The following NF2 variants were observed in gnomAD, a reference collection of about 807,000 sequenced individuals.
NF2 encodes merlin.
A neutral mutation model predicts 83.7 loss-of-function variants in NF2; 8 were observed. The observed-to-expected ratio is 0.10, with a 90% CI of 0.06 to 0.17. The LOEUF is 0.17. NF2 is among the 10% of genes least tolerant of loss of function. NF2 has a pLI of 1.00. For synonymous variants in NF2, 266 were observed against 269.6 expected, an observed-to-expected ratio of 0.99 and a Z score of 0.13; for missense variants, 533 against 744.4, an observed-to-expected ratio of 0.72 and a Z score of 3.31.
intron 3 of NF2, among the ~76,000 whole-genome samples, chr22:29,641,944 C>A (rs1008492919): frequency 2.0e-5 from 3 of 152,100 alleles, no homozygotes; most frequent in African/African-American, 7.2e-5. Context: ...CTACAGAGAC[C>A]GTTTTTACTC....
chr22:29,690,053 C>CT (rs1371253982), intron 15 of NF2, among the ~76,000 whole-genome samples: 1 of 152,222 alleles, frequency 6.6e-6, no homozygotes, highest in Non-Finnish European at 1.5e-5. Context: ...GGCTTTGTAG[C>CT]TGGAAGCCGT....
At chr22:29,615,963 C>G (rs143922701) in intron 1 of NF2, among the ~76,000 whole-genome samples, 1 of 152,308 alleles carries the variant, frequency 6.6e-6, no homozygotes, top group African/African-American at 2.4e-5. Flanking sequence ...AAAATGTGGT[C>G]TATCCTTACT....
intron 1 of NF2, among the ~76,000 whole-genome samples, chr22:29,616,602 C>T (rs191386305): frequency 3.3e-5 from 5 of 152,172 alleles, no homozygotes; most frequent in South Asian, 2.1e-4. Flanking sequence ...ATTAGCTGGG[C>T]GTGATGGCAC....
chr22:29,649,848 A>G (rs1396749221), intron 4 of NF2, among the ~76,000 whole-genome samples: 1 of 152,136 alleles, frequency 6.6e-6, no homozygotes, highest in Admixed American at 6.5e-5. Flanking sequence ...ATAGTCAATA[A>G]TAATTATACA....
At chr22:29,652,886 A>G (rs1014757796) in intron 4 of NF2, among the ~76,000 whole-genome samples, 7 of 152,202 alleles carry the variant, frequency 4.6e-5, no homozygotes, top group Admixed American at 2.6e-4. Context: ...TCCCAGAAAT[A>G]GAGAGATACC....
intron 1 of NF2, among the ~76,000 whole-genome samples, chr22:29,635,510 A>G (rs978232348): frequency 6.6e-6 from 1 of 151,762 alleles, no homozygotes; most frequent in Non-Finnish European, 1.5e-5. Flanking sequence ...TTAGTATTTT[A>G]CTAGAGACAG....
chr22:29,662,379 C>T (rs976074177), intron 8 of NF2, among the ~76,000 whole-genome samples: 1 of 152,224 alleles, frequency 6.6e-6, no homozygotes. Context: ...CCTCCCACCT[C>T]AGCCTCCCAA....
chr22:29,670,503 T>TTTTGTGTGTGTGTG (rs370999091), intron 10 of NF2, among the ~76,000 whole-genome samples: 4 of 146,342 alleles, frequency 2.7e-5, no homozygotes, highest in African/African-American at 1.0e-4. Flanking sequence ...CTTTTTGAGC[T>TTTTGTGTGTGTGTG]TGTGTGTGTG....
Position 29,681,604 on chromosome 22 carries a change from A to T in NF2, c.1737+3A>T, listed in dbSNP as rs1358808271. 1.2e-6 allele frequency: 2 copies of T among 1,613,904 alleles called. No individual in the cohort carries two copies. On this transcript the variant is annotated splice_donor_region_variant and intron_variant, in intron 15 of 15. Coordinates refer to ENST00000338641, the MANE Select transcript of NF2 (RefSeq NM_000268.4). ...GCAAGCACAATACCATTAAAAAGGT[A>T]CCCAGGGTCTCTTTCTTGTATTTTG...
chr22:29,621,621 AT>A (rs2065218676), intron 1 of NF2, among the ~76,000 whole-genome samples: 1 of 152,034 alleles, frequency 6.6e-6, no homozygotes, highest in South Asian at 2.1e-4. Context: ...AAGCTTCCTG[AT>A]TGCACCACTG....
At chr22:29,672,344 C>T (rs1324622165) in intron 11 of NF2, among the ~76,000 whole-genome samples, 2 of 147,678 alleles carry the variant, frequency 1.4e-5, no homozygotes, top group African/African-American at 5.0e-5. Context: ...CGGAGTCTCG[C>T]TCTGTTGCCT....
intron 1 of NF2, among the ~76,000 whole-genome samples, chr22:29,612,492 T>A (rs899907455): frequency 1.3e-5 from 2 of 151,508 alleles, no homozygotes; most frequent in African/African-American, 4.9e-5. Context: ...CTAGCTTTTT[T>A]TTTTTGTTTG....
chr22:29,621,268 T>C (rs1276505860), intron 1 of NF2, among the ~76,000 whole-genome samples: 2 of 152,232 alleles, frequency 1.3e-5, no homozygotes, highest in Non-Finnish European at 2.9e-5. Context: ...TTCCTGGCTC[T>C]GCCTCTAACC....
At position 29,678,213 on chromosome 22, in the gene NF2, A is replaced by G; in HGVS notation, c.1464A>G (p.Pro488=). The change falls in exon 14 of 16, where the codon CCA becomes CCG. Residue 488 remains proline (P), a synonymous_variant. Coordinates refer to ENST00000338641, the MANE Select transcript of NF2 (RefSeq NM_000268.4). ...KPTYPPMNPI[P]APLPPDIPSF... ...ATTAACAGCCCATGAACCCAATTCC[A>G]GCACCGTTGCCTCCTGACATACCAA... 6.2e-7 allele frequency: 1 copy of G among 1,614,126 alleles called. No individual in the cohort carries two copies. Among genetic ancestry groups the G allele is most frequent in the Non-Finnish European group, 8.5e-7 (1 of 1,179,982 alleles).
At chr22:29,642,474 A>ATG (rs367627235) in intron 4 of NF2, among the ~76,000 whole-genome samples, 189 bp downstream of exon 4, 20 of 150,764 alleles carry the variant, frequency 1.3e-4, no homozygotes, top group South Asian at 2.1e-4. Flanking sequence ...TTGTGTGTGT[A>ATG]TGTGTGTGTG....
At chr22:29,605,118 G>C (rs2146667330) in intron 1 of NF2, among the ~76,000 whole-genome samples, 1 of 151,062 alleles carries the variant, frequency 6.6e-6, no homozygotes, top group East Asian at 1.9e-4. Flanking sequence ...TCGAGTAGCT[G>C]GGACCACAGG....
chr22:29,667,358 C>A (rs1238444987), intron 9 of NF2, among the ~76,000 whole-genome samples: 1 of 152,146 alleles, frequency 6.6e-6, no homozygotes, highest in African/African-American at 2.4e-5. Context: ...CCACCTCACC[C>A]TCCCCAGTAG....
chr22:29,649,240 A>G (rs1313396328), intron 4 of NF2, among the ~76,000 whole-genome samples: 1 of 152,192 alleles, frequency 6.6e-6, no homozygotes, highest in Non-Finnish European at 1.5e-5. Context: ...AGAGACAGAA[A>G]GTAGATTTAG....
At chr22:29,683,041 C>T in intron 15 of NF2, 1 of 1,614,196 alleles carries the variant, frequency 6.2e-7, no homozygotes, top group African/African-American at 1.3e-5. Flanking sequence ...AGGCAGAAGA[C>T]CTATCTGCAT....
Sources: allele counts gnomAD v4.1 joint callset (sites outside exome capture counted in the v4.1 genomes callset), GRCh38; gene constraint gnomAD v4.1.1; transcripts MANE v1.5; gene names NCBI Gene and HGNC (gene_info 2026-07-23, HGNC 2026-07-21).